Variants in KLHL29 observed in about 807,000 individuals in gnomAD.
KLHL29 encodes kelch-like protein 29.
KLHL29 carries 21 observed loss-of-function variants against 80.4 expected under a neutral mutation model. The ratio of observed to expected loss-of-function variants is 0.26; its 90% confidence interval spans 0.19 to 0.38. KLHL29 has a LOEUF of 0.38. Ranked by LOEUF, KLHL29 falls within the 10% of genes least tolerant of loss-of-function variation. KLHL29 has a pLI of 1.00. For missense variants in KLHL29, 867 were observed against 1,223.9 expected (o/e 0.71, Z 4.35); for synonymous variants, 511 against 526.8 (o/e 0.97, Z 0.41).
intron 2 of KLHL29, among the ~76,000 whole-genome samples, chr2:23,556,772 A>G (rs1667308600): frequency 6.6e-6 from 1 of 152,078 alleles, no homozygotes; most frequent in South Asian, 2.1e-4. Flanking sequence ...CACATAAAAT[A>G]CCTGTGAGGC....
chr2:23,413,283 G>A (rs1486128255), intron 1 of KLHL29, among the ~76,000 whole-genome samples: 1 of 150,930 alleles, frequency 6.6e-6, no homozygotes, highest in African/African-American at 2.4e-5. Flanking sequence ...AGCCAGATGA[G>A]CTGATCTCCA....
At chr2:23,565,816 C>T (rs1572404852) in intron 3 of KLHL29, among the ~76,000 whole-genome samples, 2 of 152,220 alleles carry the variant, frequency 1.3e-5, no homozygotes, top group South Asian at 4.1e-4. Context: ...GAGCCACCCT[C>T]GGAAACTCAG....
At chr2:23,523,825 G>A in intron 2 of KLHL29, 1 of 355,998 alleles carries the variant, frequency 2.8e-6, no homozygotes, top group Non-Finnish European at 5.8e-6. Flanking sequence ...CTTGTCCCCA[G>A]CAAAGACTCA....
chr2:23,437,600 TAC>T (rs199897061), intron 1 of KLHL29, among the ~76,000 whole-genome samples: 5,274 of 152,336 alleles, frequency 0.035, 114 homozygotes, highest in Middle Eastern at 0.061. Context: ...GCGTACAGCC[TAC>T]AGCCTGTCTC....
chr2:23,534,640 C>T (rs1666609610), intron 2 of KLHL29, among the ~76,000 whole-genome samples: 1 of 152,174 alleles, frequency 6.6e-6, no homozygotes, highest in African/African-American at 2.4e-5. Flanking sequence ...TGCCCCTTTC[C>T]TGCCACAGCA....
intron 1 of KLHL29, among the ~76,000 whole-genome samples, chr2:23,408,263 T>TAAAAAAAAAAAAAAA (rs55790582): frequency 5.7e-5 from 3 of 52,686 alleles, no homozygotes; most frequent in Non-Finnish European, 3.4e-5. Flanking sequence ...CATTTCACGC[T>TAAAAAAAAAAAAAAA]AAAAAAAAAA....
intron 2 of KLHL29, among the ~76,000 whole-genome samples, chr2:23,555,785 TGTTGGGCACACCCCAGCG>T (rs1371986360): frequency 2.0e-5 from 3 of 152,174 alleles, no homozygotes; most frequent in African/African-American, 7.2e-5. Flanking sequence ...CCGGGGATGC[TGTTGGGCACACCCCAGCG>T]CTGGCCTCTG....
At position 23,444,260 on chromosome 2, in the gene KLHL29, G is replaced by T. The variant is rs143392422; in HGVS notation, c.-153-31300G>T. 4.5e-3 allele frequency among the ~76,000 whole-genome samples: 687 copies of T among 152,224 alleles called. 7 individuals are homozygous for T. The highest frequency in any genetic ancestry group is 0.016 in the African/African-American group (646 of 41,548). On this transcript the variant is annotated intron_variant, in intron 1 of 13. Transcript: ENST00000486442. The stretch of plus-strand genomic sequence containing the variant: ...CGTTCAAACTGATGTTTTGAATTCA[G>T]ATTTAGAACTCAAGATTTTTTTCCT...
intron 1 of KLHL29, among the ~76,000 whole-genome samples, chr2:23,410,903 A>G (rs915615196): frequency 4.6e-5 from 7 of 152,146 alleles, no homozygotes; most frequent in African/African-American, 1.7e-4. Context: ...TCTTGAGTAC[A>G]GAGATGGAAC....
Position 23,438,624 on chromosome 2 carries a change from C to T in KLHL29, c.-153-36936C>T, listed in dbSNP as rs1220086101. Among the ~76,000 whole-genome samples the T allele has an allele frequency of 9.4e-5, 14 of 149,468 alleles. No homozygotes were observed. The South Asian group carries it at 1.9e-3, about 21-fold the overall frequency. On this transcript the variant is annotated intron_variant, in intron 1 of 13. Coordinates refer to ENST00000486442, the MANE Select transcript of KLHL29 (RefSeq NM_052920.2). Reference sequence around the variant, plus strand: ...ATGCTGGATTACATTTATTGATTTGCGTATATTGAACCAGCCTTGCATCCC... The same window carrying T: ...ATGCTGGATTACATTTATTGATTTGTGTATATTGAACCAGCCTTGCATCCC...
At chr2:23,422,117 T>A (rs948699054) in intron 1 of KLHL29, among the ~76,000 whole-genome samples, 1 of 151,784 alleles carries the variant, frequency 6.6e-6, no homozygotes, top group African/African-American at 2.4e-5. Flanking sequence ...TGTGTCAGTA[T>A]GGGTGGGTCT....
At chr2:23,555,398 C>G (rs1667259699) in intron 2 of KLHL29, among the ~76,000 whole-genome samples, 1 of 152,182 alleles carries the variant, frequency 6.6e-6, no homozygotes, top group African/African-American at 2.4e-5. Flanking sequence ...TATTTTGATC[C>G]TAGTTAAGAC....
chr2:23,450,746 A>C (rs1158678407), intron 1 of KLHL29, among the ~76,000 whole-genome samples: 1 of 152,206 alleles, frequency 6.6e-6, no homozygotes, highest in Non-Finnish European at 1.5e-5. Flanking sequence ...TTTATTGATA[A>C]ATAGTTCACA....
At chr2:23,550,156 C>T (rs1053984872) in intron 2 of KLHL29, among the ~76,000 whole-genome samples, 4 of 152,108 alleles carry the variant, frequency 2.6e-5, no homozygotes, top group Non-Finnish European at 5.9e-5. Flanking sequence ...CAGTATCTTG[C>T]ACTGAGCCGG....
intron 3 of KLHL29, among the ~76,000 whole-genome samples, chr2:23,632,855 A>G (rs1276489837): frequency 6.6e-6 from 1 of 152,198 alleles, no homozygotes; most frequent in Non-Finnish European, 1.5e-5. Context: ...TGGCCTCCTC[A>G]CATCACCCAG....
At chr2:23,656,536 G>T (rs1225083796) in intron 5 of KLHL29, among the ~76,000 whole-genome samples, 1 of 152,230 alleles carries the variant, frequency 6.6e-6, no homozygotes, top group African/African-American at 2.4e-5. Context: ...ATTCTTATCT[G>T]CAAGGCCCCT....
chr2:23,667,646 A>T (rs758674395), intron 5 of KLHL29: 5 of 152,712 alleles, frequency 3.3e-5, no homozygotes, highest in Non-Finnish European at 7.3e-5. Context: ...GCACGGTGCC[A>T]TCCTGTGTAG....
At chr2:23,499,040 G>A (rs1487330326) in intron 2 of KLHL29, among the ~76,000 whole-genome samples, 1 of 152,170 alleles carries the variant, frequency 6.6e-6, no homozygotes, top group Non-Finnish European at 1.5e-5. Context: ...TTAAATATTA[G>A]GCATAGGAGG....
chr2:23,394,893 G>A (rs1468257585), intron 1 of KLHL29, among the ~76,000 whole-genome samples: 2 of 152,216 alleles, frequency 1.3e-5, no homozygotes, highest in Non-Finnish European at 2.9e-5. Flanking sequence ...TTCCTGGGGT[G>A]TGCTGATTTG....
Sources: gnomAD v4.1 joint callset for allele counts (sites outside exome capture counted in the v4.1 genomes callset) on GRCh38, gnomAD v4.1.1 for gene constraint, MANE v1.5 for transcripts, NCBI Gene and HGNC (gene_info 2026-07-23, HGNC 2026-07-21) for gene names.